RPS6KC1: variants seen among roughly 807,000 people sequenced by gnomAD.
RPS6KC1 encodes the protein ribosomal protein S6 kinase C1, also known as inactive ribosomal protein S6 kinase delta-1.
RPS6KC1 carries 54 observed loss-of-function variants against 103.8 expected under a neutral mutation model. The ratio of observed to expected loss-of-function variants is 0.52; its 90% CI spans 0.42 to 0.65. The LOEUF is 0.65. Ranked by LOEUF, RPS6KC1 falls within the 30% of genes least tolerant of loss-of-function variation. The pLI, the probability that RPS6KC1 is intolerant of heterozygous loss-of-function variation, is 0.00. For missense variants in RPS6KC1, 1,151 were observed against 1,253.8 expected (o/e 0.92, Z 1.24); for synonymous variants, 439 against 438.7 (o/e 1.00, Z -0.01).
the RPS6KC1 span, among the ~76,000 whole-genome samples, chr1:213,360,279 C>A: frequency 2.6e-5 from 4 of 152,124 alleles, no homozygotes; most frequent in Admixed American, 2.6e-4. Flanking sequence ...TTTCTCTAAA[C>A]TTCTCTTCTT....
chr1:213,086,458 C>T (rs1442363373), intron 3 of RPS6KC1, among the ~76,000 whole-genome samples: 2 of 152,186 alleles, frequency 1.3e-5, no homozygotes, highest in Non-Finnish European at 2.9e-5. Flanking sequence ...AGCCACATTG[C>T]CTCCAATGAG....
At chr1:213,176,372 A>G (rs776523364) in intron 7 of RPS6KC1, 28 bp from the exon 8 acceptor site, 22 of 1,503,252 alleles carry the variant, frequency 1.5e-5, no homozygotes, top group East Asian at 4.6e-5. Context: ...TCCCTGATTG[A>G]TGTATAATCT....
At chr1:213,786,108 G>A in the RPS6KC1 span, among the ~76,000 whole-genome samples, 1 of 152,074 alleles carries the variant, frequency 6.6e-6, no homozygotes, top group African/African-American at 2.4e-5. Context: ...GCTAGGGAGG[G>A]AAGAATAGAA....
the RPS6KC1 span, among the ~76,000 whole-genome samples, chr1:213,860,780 A>G: frequency 6.6e-6 from 1 of 151,938 alleles, no homozygotes; most frequent in African/African-American, 2.4e-5. Flanking sequence ...CACTGTTGGT[A>G]ACACTAAAGC....
chr1:213,800,269 G>A, the RPS6KC1 span, among the ~76,000 whole-genome samples: 1 of 152,230 alleles, frequency 6.6e-6, no homozygotes, highest in Non-Finnish European at 1.5e-5. Context: ...TGTTCGAGAA[G>A]AGGCAGGAAG....
At chr1:213,445,830 C>T in the RPS6KC1 span, among the ~76,000 whole-genome samples, 3 of 152,164 alleles carry the variant, frequency 2.0e-5, no homozygotes, top group South Asian at 4.1e-4. Flanking sequence ...CTGCAAGTAC[C>T]AGGTACCCCT....
At chr1:213,444,663 A>G in the RPS6KC1 span, among the ~76,000 whole-genome samples, 1 of 147,240 alleles carries the variant, frequency 6.8e-6, no homozygotes, top group Non-Finnish European at 1.5e-5. Flanking sequence ...AGGCTGAGGC[A>G]GGAGAATCAC....
chr1:213,330,038 G>A, the RPS6KC1 span, among the ~76,000 whole-genome samples: 6 of 152,326 alleles, frequency 3.9e-5, no homozygotes, highest in South Asian at 6.2e-4. Flanking sequence ...AGGGCCTCCC[G>A]CAGGGGCACC....
At chr1:213,119,551 C>T (rs1403126171) in intron 5 of RPS6KC1, among the ~76,000 whole-genome samples, 1 of 145,696 alleles carries the variant, frequency 6.9e-6, no homozygotes, top group Non-Finnish European at 1.5e-5. Context: ...TGTTTCTTTT[C>T]TCTATTTTTT....
the RPS6KC1 span, among the ~76,000 whole-genome samples, chr1:213,461,022 G>A: frequency 6.6e-6 from 1 of 152,074 alleles, no homozygotes; most frequent in Admixed American, 6.6e-5. Context: ...TGACATGATT[G>A]TATATGTAGA....
Position 213,167,976 on chromosome 1 carries a change from A to T in RPS6KC1, c.951+3A>T, listed in dbSNP as rs373118301. On this transcript the variant is annotated splice_donor_region_variant and intron_variant, in intron 7 of 14. Transcript: ENST00000366960. Reference sequence around the variant, plus strand: ...CTCAGCTTGATGATGTATCTCAGGTATGTCTCATATTTTGTTGTGTGTTTT... The same window carrying T: ...CTCAGCTTGATGATGTATCTCAGGTTTGTCTCATATTTTGTTGTGTGTTTT... 5.7e-6 allele frequency: 9 copies of T among 1,579,058 alleles called. No individual in the cohort carries two copies. The highest frequency in any genetic ancestry group is 5.1e-5 in the Admixed American group (3 of 59,276).
At chr1:213,587,752 C>T in the RPS6KC1 span, among the ~76,000 whole-genome samples, 30 of 152,242 alleles carry the variant, frequency 2.0e-4, no homozygotes, top group South Asian at 8.3e-4. Context: ...ACCATTTGCA[C>T]GGGATTCGAC....
chr1:213,567,499 CTTTG>C, the RPS6KC1 span, among the ~76,000 whole-genome samples: 1 of 152,160 alleles, frequency 6.6e-6, no homozygotes, highest in Non-Finnish European at 1.5e-5. Context: ...TCAGTTCTCC[CTTTG>C]TTTGGGGTTT....
intron 8 of RPS6KC1, among the ~76,000 whole-genome samples, chr1:213,224,672 C>A (rs2093917962): frequency 6.6e-6 from 1 of 152,080 alleles, no homozygotes; most frequent in Admixed American, 6.5e-5. Context: ...TAAAGGTGAG[C>A]AAACCCATGA....
At chr1:213,404,236 C>T in the RPS6KC1 span, among the ~76,000 whole-genome samples, 1 of 152,110 alleles carries the variant, frequency 6.6e-6, no homozygotes, top group Non-Finnish European at 1.5e-5. Flanking sequence ...GGGGTTTACA[C>T]TGGGGTTGAG....
Position 213,104,541 on chromosome 1 carries a change from A to G in RPS6KC1, c.350A>G (p.Asn117Ser), listed in dbSNP as rs1178486862. 2 of 1,604,932 alleles carry G rather than the reference A, an allele frequency of 1.2e-6. No individual in the cohort carries two copies. The highest frequency in any genetic ancestry group is 1.7e-6 in the Non-Finnish European group (2 of 1,173,816). Residue 117 changes from asparagine to serine, a missense_variant, in exon 4 of 15, where the codon AAT (asparagine) becomes AGT (serine). Asn to Ser is a conservative substitution (Grantham distance 46). Around this residue, in one of 3 missense-constraint regions of RPS6KC1, gnomAD observed 959 missense variants for 1,006.3 expected, o/e 0.95. Coordinates refer to ENST00000366960, the MANE Select transcript of RPS6KC1 (RefSeq NM_012424.6). ...TCTGCCAATATTCCTGCTCTTTACA[A>G]TAGTAAACAGCTTGAAGACTTTTTC... ...QFSANIPALY[N>S]SKQLEDFFKG...
At chr1:213,649,797 T>C in the RPS6KC1 span, among the ~76,000 whole-genome samples, 1 of 152,106 alleles carries the variant, frequency 6.6e-6, no homozygotes, top group Admixed American at 6.5e-5. Flanking sequence ...GTGACTTGAG[T>C]TCAGTGAGGG....
the RPS6KC1 span, among the ~76,000 whole-genome samples, chr1:213,460,067 G>A: frequency 3.3e-4 from 50 of 152,274 alleles, no homozygotes; most frequent in African/African-American, 1.2e-3. Context: ...CTGTTGATTT[G>A]GGGTGGAGAG....
At chr1:213,440,940 C>T in the RPS6KC1 span, among the ~76,000 whole-genome samples, 2 of 152,112 alleles carry the variant, frequency 1.3e-5, no homozygotes, top group Non-Finnish European at 2.9e-5. Flanking sequence ...TTGGAGCAGC[C>T]AGAGCAGACT....
Sources: gnomAD v4.1 joint callset for allele counts (sites outside exome capture counted in the v4.1 genomes callset) on GRCh38, gnomAD v4.1.1 for gene constraint, gnomAD v4.1.1 regional missense constraint, MANE v1.5 for transcripts, NCBI Gene and HGNC (gene_info 2026-07-23, HGNC 2026-07-21) for gene names.